Variants in PIGM observed in about 807,000 individuals in gnomAD.
PIGM encodes phosphatidylinositol glycan anchor biosynthesis class M, also known as GPI alpha-1,4-mannosyltransferase I, catalytic subunit.
Under a neutral mutation model 14.6 loss-of-function variants are expected in PIGM, and 7 were observed. The observed-to-expected ratio is 0.48, with a 90% confidence interval of 0.27 to 0.90. PIGM has a LOEUF of 0.90. Ranked by LOEUF, PIGM falls within the 40% of genes least tolerant of loss-of-function variation. PIGM has a pLI of 0.12. For synonymous variants in PIGM, 216 were observed against 215.9 expected (o/e 1.00, Z 0.00); for missense variants, 506 against 516.2 (o/e 0.98, Z 0.19).
chr1:160,030,951 A>C lies in PIGM; in HGVS notation c.789T>G (p.Thr263=). 1 of 1,614,180 alleles carries C rather than the reference A, an allele frequency of 6.2e-7. No individual in the cohort carries two copies. Among genetic ancestry groups the C allele is most frequent in the Non-Finnish European group, 8.5e-7 (1 of 1,180,028 alleles). ...AAAAGTTGTGACGGATATCCCGCCT[A>C]GTCAGGTGATAAAAGTAGGTGTGTT... ...FLEHTYFYHL[T]RRDIRHNFSP... Residue 263 remains threonine, a synonymous_variant, in exon 1 of 1, where the codon ACT becomes ACG. Transcript: ENST00000368090.
chr1:160,025,153 C>G lies in PIGM; in HGVS notation c.*5315G>C, dbSNP rs1648155734. ...AAAGGCTTGTAAACAGTGACTTGTT[C>G]TATGCCAGCATGCACACTTTGAGCA... On this transcript the variant is annotated 3_prime_UTR_variant, in exon 1 of 1. Coordinates refer to ENST00000368090, the MANE Select transcript of PIGM (RefSeq NM_145167.3). The G allele has an allele frequency of 6.6e-6, 1 of 152,214 alleles. No individual in the cohort carries two copies. The highest frequency in any genetic ancestry group is 2.1e-4 in the South Asian group (1 of 4,832). 9.4% of individuals were successfully genotyped at this position (152,214 alleles called of 1,614,324 possible).
chr1:160,029,878 A>G lies in PIGM; in HGVS notation c.*590T>C, dbSNP rs1648280622. On this transcript the variant is annotated 3_prime_UTR_variant, in exon 1 of 1. Coordinates refer to ENST00000368090, the MANE Select transcript of PIGM (RefSeq NM_145167.3). ...GCAGCTATGACTACAGGGGTGCACC[A>G]CAACACCTGGCTAATTTTTTTTTTT... 8.3e-6 allele frequency: 1 copy of G among 120,730 alleles called. No individual in the cohort carries two copies. Among genetic ancestry groups the G allele is most frequent in the Admixed American group, 1.0e-4 (1 of 9,920 alleles). 7.5% of individuals were successfully genotyped at this position (120,730 alleles called of 1,614,324 possible). A position where few individuals can be genotyped will look rare whatever the true frequency, so the allele number is the denominator to read the frequency against.
At position 160,025,924 on chromosome 1, in the gene PIGM, G is replaced by C. The variant is rs983152730; in HGVS notation, c.*4544C>G. The C allele has an allele frequency of 1.3e-5, 2 of 152,114 alleles. No homozygotes were observed. The highest frequency in any genetic ancestry group is 1.5e-5 in the Non-Finnish European group (1 of 68,022). 9.4% of individuals were successfully genotyped at this position (152,114 alleles called of 1,614,324 possible). On this transcript the variant is annotated 3_prime_UTR_variant, in exon 1 of 1. Transcript: ENST00000368090. ...AAATAAAACCATATATGGCGGAATA[G>C]GTGCCCAAAATTGGTTAATCATGAA...
chr1:160,027,512 TTA>T lies in PIGM; in HGVS notation c.*2954_*2955del, dbSNP rs1245106763. 1 of 152,156 alleles carries T rather than the reference TTA, an allele frequency of 6.6e-6. No homozygotes were observed. Among genetic ancestry groups the T allele is most frequent in the African/African-American group, 2.4e-5 (1 of 41,438 alleles). 9.4% of individuals were successfully genotyped at this position (152,156 alleles called of 1,614,324 possible). Reference sequence around the variant, plus strand: ...CATTCTAAAGACGTTACAAAGGCAATTACAGAAGAAAATGTCATGTAGTTCCC... The same window carrying T: ...CATTCTAAAGACGTTACAAAGGCAATCAGAAGAAAATGTCATGTAGTTCCC... On this transcript the variant is annotated 3_prime_UTR_variant, in exon 1 of 1. Transcript: ENST00000368090.
rs1166798991 is a variant in PIGM, at chr1:160,027,534, G to C, written c.*2934C>G. The C allele has an allele frequency of 6.6e-6, 1 of 152,138 alleles. No homozygotes were observed. The highest frequency in any genetic ancestry group is 1.5e-5 in the Non-Finnish European group (1 of 68,012). The allele number at this position is 152,138 out of a possible 1,614,324, so 9.4% of individuals were successfully genotyped here. On this transcript the variant is annotated 3_prime_UTR_variant, in exon 1 of 1. Coordinates refer to ENST00000368090, the MANE Select transcript of PIGM (RefSeq NM_145167.3). ...CAATTACAGAAGAAAATGTCATGTA[G>C]TTCCCTCTGTTCAGAACACACACAA...
At position 160,031,742 on chromosome 1, in the gene PIGM, T is replaced by A; in HGVS notation, c.-3A>T. 6.2e-7 allele frequency: 1 copy of A among 1,614,090 alleles called. No individual in the cohort carries two copies. The highest frequency in any genetic ancestry group is 8.5e-7 in the Non-Finnish European group (1 of 1,180,032). On this transcript the variant is annotated 5_prime_UTR_variant, in exon 1 of 1. Coordinates refer to ENST00000368090, the MANE Select transcript of PIGM (RefSeq NM_145167.3). Reference sequence around the variant, plus strand: ...CCCCAGTGCTTGGTGGAGCCCATGATCTGACCGTGCGACAGCTGCTTAGCC... The same window carrying A: ...CCCCAGTGCTTGGTGGAGCCCATGAACTGACCGTGCGACAGCTGCTTAGCC...
At position 160,025,043 on chromosome 1, in the gene PIGM, T is replaced by C. The variant is rs1042849054; in HGVS notation, c.*5425A>G. On this transcript the variant is annotated 3_prime_UTR_variant, in exon 1 of 1. Coordinates refer to ENST00000368090, the MANE Select transcript of PIGM (RefSeq NM_145167.3). ...ATCAAAGGTAGTCAAACATTTATTT[T>C]ATATAAATATAATTTCCTTGCCTAT... is the stretch of plus-strand genomic sequence containing the variant. 3 of 152,236 alleles carry C rather than the reference T, an allele frequency of 2.0e-5. No homozygotes were observed. Among genetic ancestry groups the C allele is most frequent in the African/African-American group, 7.2e-5 (3 of 41,464 alleles). 9.4% of individuals were successfully genotyped at this position (152,236 alleles called of 1,614,324 possible). A position where few individuals can be genotyped will look rare whatever the true frequency, so the allele number is the denominator to read the frequency against.
chr1:160,030,331 T>A lies in PIGM; in HGVS notation c.*137A>T. The A allele has an allele frequency of 1.1e-6, 1 of 925,160 alleles. No homozygotes were observed. Among genetic ancestry groups the A allele is most frequent in the South Asian group, 1.4e-5 (1 of 73,346 alleles). The allele number at this position is 925,160 out of a possible 1,614,324, so 57.3% of individuals were successfully genotyped here. On this transcript the variant is annotated 3_prime_UTR_variant, in exon 1 of 1. Transcript: ENST00000368090. ...TCCCTTTTATATATAAGGCAAACAT[T>A]GCTTTTAAGTTCTGTTGGAACATGG...
Position 160,025,554 on chromosome 1 carries a change from G to A in PIGM, c.*4914C>T, listed in dbSNP as rs949113885. ...AGTAAACAAAGAAATTACACAATTT[G>A]GTGAGAGAGGGTTTGGAGGTGGAGG... On this transcript the variant is annotated 3_prime_UTR_variant, in exon 1 of 1. Transcript: ENST00000368090. 2 of 152,212 alleles carry A rather than the reference G, an allele frequency of 1.3e-5. No individual in the cohort carries two copies. Among genetic ancestry groups the A allele is most frequent in the African/African-American group, 4.8e-5 (2 of 41,444 alleles). The allele number at this position is 152,212 out of a possible 1,614,324, so 9.4% of individuals were successfully genotyped here.
In PIGM at chr1:160,031,752, C is replaced by G. The variant is rs766225735; in HGVS notation, c.-13G>C. 1.2e-6 allele frequency: 2 copies of G among 1,613,946 alleles called. No homozygotes were observed. Among genetic ancestry groups the G allele is most frequent in the South Asian group, 1.1e-5 (1 of 91,070 alleles). On this transcript the variant is annotated 5_prime_UTR_variant, in exon 1 of 1. Transcript: ENST00000368090. ...TGGTGGAGCCCATGATCTGACCGTG[C>G]GACAGCTGCTTAGCCCCAGCTCCAA...
Position 160,031,014 on chromosome 1 carries a change from G to C in PIGM, c.726C>G (p.Ser242Arg). The change falls in exon 1 of 1, where the codon AGC (serine) becomes AGG (arginine). Residue 242 changes from serine to arginine, a missense_variant. Ser to Arg is a moderately radical substitution (Grantham distance 110). Coordinates refer to ENST00000368090, the MANE Select transcript of PIGM (RefSeq NM_145167.3). ...AVAGLTFFAL[S>R]FGFYYEYGWE... is the part of the protein sequence containing the mutation. ...AGCCGTACTCATAGTAAAAACCAAAGCTCAGGGCAAAAAACGTGAGTCCAG... is the reference window on the plus strand; with the variant it reads ...AGCCGTACTCATAGTAAAAACCAAACCTCAGGGCAAAAAACGTGAGTCCAG... 6.2e-7 allele frequency: 1 copy of C among 1,614,090 alleles called. No individual in the cohort carries two copies. The highest frequency in any genetic ancestry group is 1.6e-4 in the Middle Eastern group (1 of 6,062).
chr1:160,031,716 G>A lies in PIGM; in HGVS notation c.24C>T (p.Gly8=). 6.2e-7 allele frequency: 1 copy of A among 1,614,144 alleles called. No homozygotes were observed. Among genetic ancestry groups the A allele is most frequent in the Non-Finnish European group, 8.5e-7 (1 of 1,180,020 alleles). MGSTKHW[G]EWLLNLKVAP... is the part of the protein sequence containing the mutation. ...CCACCTTCAAGTTCAGGAGCCATTCGCCCCAGTGCTTGGTGGAGCCCATGA... is the reference window on the plus strand; with the variant it reads ...CCACCTTCAAGTTCAGGAGCCATTCACCCCAGTGCTTGGTGGAGCCCATGA... The change falls in exon 1 of 1, where the codon GGC becomes GGT. Residue 8 remains glycine, a synonymous_variant. Coordinates refer to ENST00000368090, the MANE Select transcript of PIGM (RefSeq NM_145167.3).
At position 160,031,942 on chromosome 1, in the gene PIGM, C is replaced by A; in HGVS notation, c.-203G>T. ...CTCCAGCCCCGCGCGGTCTTCTCAG[C>A]CGCCCGAGCCAAAAACTTGCCTTCC... On this transcript the variant is annotated 5_prime_UTR_variant, in exon 1 of 1. Coordinates refer to ENST00000368090, the MANE Select transcript of PIGM (RefSeq NM_145167.3). The A allele has an allele frequency of 1.4e-6, 1 of 697,244 alleles. No individual in the cohort carries two copies. 43.2% of individuals were successfully genotyped at this position (697,244 alleles called of 1,614,324 possible).
rs1648221776 is a variant in PIGM at position 160,027,871 on chromosome 1, A to T, written c.*2597T>A. On this transcript the variant is annotated 3_prime_UTR_variant, in exon 1 of 1. Coordinates refer to ENST00000368090, the MANE Select transcript of PIGM (RefSeq NM_145167.3). ...ATACAAAGTGCAAAATATCTTTTGC[A>T]TCCCTTTAAGAAACACCTGCCTTTC... 1 of 152,208 alleles carries T rather than the reference A, an allele frequency of 6.6e-6. No individual in the cohort carries two copies. Among genetic ancestry groups the T allele is most frequent in the African/African-American group, 2.4e-5 (1 of 41,452 alleles). 9.4% of individuals were successfully genotyped at this position (152,208 alleles called of 1,614,324 possible). A position where few individuals can be genotyped will look rare whatever the true frequency, so the allele number is the denominator to read the frequency against.
Position 160,030,862 on chromosome 1 carries a change from G to GC in PIGM, c.877dup (p.Ala293GlyfsTer36). ...CAAGATGAGCTGTGGCAGGAATGCA[G>GC]CAATTCCCAGGGAAAAACTCCACTT... On this transcript the variant is annotated frameshift_variant, in exon 1 of 1. Transcript: ENST00000368090. LOFTEE classifies it high-confidence loss of function. 1.2e-6 allele frequency: 2 copies of GC among 1,614,242 alleles called. No individual in the cohort carries two copies. Among genetic ancestry groups the GC allele is most frequent in the Non-Finnish European group, 1.7e-6 (2 of 1,180,034 alleles).
chr1:160,031,583 G>C lies in PIGM; in HGVS notation c.157C>G (p.Gln53Glu). The C allele has an allele frequency of 6.2e-7, 1 of 1,614,164 alleles. No homozygotes were observed. Among genetic ancestry groups the C allele is most frequent in the Non-Finnish European group, 8.5e-7 (1 of 1,180,016 alleles). ...AAGCGCGCGGCGTCGGTGAAGACCT[G>C]GTAGTCGATGTCCGTATACCTCACG... ...LHVRYTDIDY[Q>E]VFTDAARFVT... Residue 53 changes from glutamine (Q) to glutamate (E), a missense_variant, in exon 1 of 1, where the codon CAG becomes GAG. By Grantham distance (29) the Gln-to-Glu change is conservative (BLOSUM62 2). Coordinates refer to ENST00000368090, the MANE Select transcript of PIGM (RefSeq NM_145167.3).
Position 160,031,734 on chromosome 1 carries a change from G to A in PIGM, c.6C>T (p.Gly2=), listed in dbSNP as rs61757715. 2,743 of 1,614,124 alleles carry A rather than the reference G, an allele frequency of 1.7e-3. 19 individuals carry two copies. The Middle Eastern group carries it at 0.027, about 16-fold the overall frequency. M[G]STKHWGEWLL... ...GCCATTCGCCCCAGTGCTTGGTGGA[G>A]CCCATGATCTGACCGTGCGACAGCT... is the stretch of plus-strand genomic sequence containing the variant. The change falls in exon 1 of 1, where the codon GGC becomes GGT. Residue 2 remains glycine (G), a synonymous_variant. Transcript: ENST00000368090.
rs1346603544 is a variant in PIGM at position 160,026,770 on chromosome 1, G to A, written c.*3698C>T. On this transcript the variant is annotated 3_prime_UTR_variant, in exon 1 of 1. Transcript: ENST00000368090. Reference sequence around the variant, plus strand: ...TTGAGCCTGGGAGTTCGGCTGCAGTGAGCCATGTTTATACTACTGCACTCC... The same window carrying A: ...TTGAGCCTGGGAGTTCGGCTGCAGTAAGCCATGTTTATACTACTGCACTCC... The A allele has an allele frequency of 2.0e-5, 3 of 152,138 alleles. No homozygotes were observed. The highest frequency in any genetic ancestry group is 7.2e-5 in the African/African-American group (3 of 41,450). The allele number at this position is 152,138 out of a possible 1,614,324, so 9.4% of individuals were successfully genotyped here.
In PIGM at chr1:160,030,542, T is replaced by C. The variant is rs372896113; in HGVS notation, c.1198A>G (p.Asn400Asp). Residue 400 changes from asparagine (N) to aspartate (D), a missense_variant, in exon 1 of 1, where the codon AAT (asparagine) becomes GAT (aspartate). Coordinates refer to ENST00000368090, the MANE Select transcript of PIGM (RefSeq NM_145167.3). ...WLAGLFFLLI[N>D]CSILIQIISH... ...ATAATTTGAATCAGGATGGAACAAT[T>C]GATAAGAAGAAAGAACAAACCAGCT... 6.2e-7 allele frequency: 1 copy of C among 1,613,750 alleles called. No homozygotes were observed. Among genetic ancestry groups the C allele is most frequent in the Non-Finnish European group, 8.5e-7 (1 of 1,179,772 alleles).
Sources: gnomAD v4.1 joint callset for allele counts on GRCh38, gnomAD v4.1.1 for gene constraint, MANE v1.5 for transcripts, NCBI Gene and HGNC (gene_info 2026-07-23, HGNC 2026-07-21) for gene names.